Variants in POLR2F observed in about 807,000 individuals in gnomAD.
POLR2F encodes the protein RNA polymerase II, I and III subunit F.
A neutral mutation model predicts 22.7 loss-of-function variants in POLR2F; 12 were observed. The ratio of observed to expected loss-of-function variants is 0.53; its 90% CI spans 0.34 to 0.86. The LOEUF is 0.86. Among genes scored for constraint, POLR2F ranks in the 40% least tolerant of loss-of-function variants. POLR2F has a pLI of 0.02. For missense variants in POLR2F, 126 were observed against 171.5 expected, an observed-to-expected ratio of 0.73 and a Z score of 1.48; for synonymous variants, 57 against 66.0, an observed-to-expected ratio of 0.86 and a Z score of 0.66.
chr22:37,981,824 A>G (rs1157527357), upstream of POLR2F, among the ~76,000 whole-genome samples: 8 of 152,222 alleles, frequency 5.3e-5, no homozygotes, highest in Non-Finnish European at 1.2e-4. Flanking sequence ...GTCTGGGTCC[A>G]CACAGCGGGC....
intron 1 of POLR2F, among the ~76,000 whole-genome samples, chr22:38,023,482 T>C (rs1200794321): frequency 6.6e-6 from 1 of 152,060 alleles, no homozygotes; most frequent in African/African-American, 2.4e-5. Context: ...TAGCCTAAAA[T>C]TTCCCATATT....
At position 37,997,192 on chromosome 22, in the gene POLR2F, C is replaced by T. The variant is rs1216234103; in HGVS notation, c.120+10880C>T. 1.3e-5 allele frequency among the ~76,000 whole-genome samples: 2 copies of T among 152,102 alleles called. No homozygotes were observed. Among genetic ancestry groups the T allele is most frequent in the African/African-American group, 2.4e-5 (1 of 41,408 alleles). ...CCTGAGCTTCCCAGCCGGAGTCTCC[C>T]CTCCATCCCCTCCTCTGAAGGCCTC... On this transcript the variant is annotated intron_variant, in intron 1 of 2. Transcript: ENST00000333418. The surrounding 1 kb of genome is among the most constrained non-coding windows in gnomAD (Gnocchi z 4.4).
intron 1 of POLR2F, among the ~76,000 whole-genome samples, chr22:38,003,418 G>T (rs1225317055): frequency 1.3e-5 from 2 of 152,146 alleles, no homozygotes; most frequent in Non-Finnish European, 2.9e-5. Flanking sequence ...GTAAGGATGG[G>T]GTTTCACCAA....
At chr22:37,973,555 G>A, downstream of POLR2F, 1 of 1,612,480 alleles carries the variant, frequency 6.2e-7, no homozygotes, top group Non-Finnish European at 8.5e-7. Context: ...TGTGGGACTG[G>A]GGCCCTGAGG....
rs980555927 is a variant in POLR2F, at chr22:37,986,584, G to A, written c.120+272G>A. 1.7e-4 allele frequency: 129 copies of A among 739,262 alleles called. No individual in the cohort carries two copies. In the East Asian group the frequency reaches 3.3e-3, roughly 19 times the overall value. The allele number at this position is 739,262 out of a possible 1,614,324, so 45.8% of individuals were successfully genotyped here. A position where few individuals can be genotyped will look rare whatever the true frequency, so the allele number is the denominator to read the frequency against. On this transcript the variant is annotated intron_variant, in intron 1 of 2. Coordinates refer to the POLR2F transcript ENST00000333418. The surrounding 1 kb of genome is among the most constrained non-coding windows in gnomAD (Gnocchi z 4.7). ...GCACGCTCTGTCTGCAGGAAGCCAC[G>A]CTAGACAGAAGGGGCCACTCCCTCT...
chr22:37,995,086 G>C (rs754823781), intron 1 of POLR2F, among the ~76,000 whole-genome samples: 1 of 152,214 alleles, frequency 6.6e-6, no homozygotes, highest in African/African-American at 2.4e-5. Context: ...CAAGGTCCCA[G>C]CTCCTGCTGT....
At chr22:37,972,090 G>C (rs1279744814), downstream of POLR2F, 1 of 329,700 alleles carries the variant, frequency 3.0e-6, no homozygotes, top group Non-Finnish European at 5.8e-6. Context: ...AGAGGGGGAG[G>C]GGGGAGAGAG....
At chr22:37,994,143 C>T (rs1397941558) in intron 1 of POLR2F, among the ~76,000 whole-genome samples, 5 of 152,146 alleles carry the variant, frequency 3.3e-5, no homozygotes, top group Admixed American at 3.3e-4. Flanking sequence ...CCCGGGAAAA[C>T]CTCTTCCCTT....
intron 1 of POLR2F, among the ~76,000 whole-genome samples, chr22:37,998,942 G>A (rs931767572): frequency 6.6e-6 from 1 of 152,044 alleles, no homozygotes; most frequent in African/African-American, 2.4e-5. Context: ...GCCCTGGTAG[G>A]AGGACCCGCC....
chr22:37,967,945 C>A lies in POLR2F; in HGVS notation c.*230C>A. Reference sequence around the variant, plus strand: ...CCAGGGGCCCTTAGCCCCTTTGGATCCCCCACATCCTTCCCTCCATCTCCC... The same window carrying A: ...CCAGGGGCCCTTAGCCCCTTTGGATACCCCACATCCTTCCCTCCATCTCCC... On this transcript the variant is annotated 3_prime_UTR_variant, in exon 5 of 5. Coordinates refer to ENST00000442738, the MANE Select transcript of POLR2F (RefSeq NM_021974.5). The A allele has an allele frequency of 1.7e-6, 2 of 1,193,274 alleles. No individual in the cohort carries two copies. The highest frequency in any genetic ancestry group is 2.1e-6 in the Non-Finnish European group (2 of 960,398). 73.9% of individuals were successfully genotyped at this position (1,193,274 alleles called of 1,614,324 possible).
chr22:37,963,930 C>T (rs1035828338), intron 3 of POLR2F, among the ~76,000 whole-genome samples: 9 of 151,848 alleles, frequency 5.9e-5, no homozygotes, highest in Non-Finnish European at 1.0e-4. Context: ...GGTGAAACCC[C>T]GTCTCTACTA....
intron 1 of POLR2F, among the ~76,000 whole-genome samples, chr22:37,955,304 C>T (rs925660953): frequency 6.7e-6 from 1 of 150,078 alleles, no homozygotes; most frequent in Non-Finnish European, 1.5e-5. Flanking sequence ...TTTGGGAGGC[C>T]GAGGAGGGTG....
downstream of POLR2F, among the ~76,000 whole-genome samples, chr22:38,030,152 T>A (rs2085051094): frequency 6.6e-6 from 1 of 151,050 alleles, no homozygotes. Flanking sequence ...AGGGGAGGAG[T>A]CTGGACTTTT....
rs138500876 is a variant in POLR2F, at chr22:37,977,960, C to T, written c.293+10790C>T. 1.6e-4 allele frequency: 259 copies of T among 1,612,234 alleles called. 1 individual carries two copies. The African/African-American group carries it at 2.9e-3, about 18-fold the overall frequency. The stretch of plus-strand genomic sequence containing the variant: ...GCGCTCTTGTAGTGGGCCTGGATGG[C>T]GGCGGTCCCACCTTGCTCGGCCTCC... On this transcript the variant is annotated intron_variant, in intron 4 of 4. Coordinates refer to the POLR2F transcript ENST00000405557.
upstream of POLR2F, chr22:37,986,116 G>C: frequency 6.8e-7 from 1 of 1,479,038 alleles, no homozygotes; most frequent in Non-Finnish European, 9.0e-7. The surrounding 1 kb of genome is among the most constrained non-coding windows in gnomAD (Gnocchi z 4.7). Flanking sequence ...CGGCAATCAT[G>C]TGATTAACAC....
intron 1 of POLR2F, chr22:37,987,102 G>T (rs542529096): frequency 4.4e-6 from 2 of 456,670 alleles, no homozygotes; most frequent in South Asian, 3.1e-5. Context: ...GTTTGTCACC[G>T]TCCATGGCAA....
At chr22:37,958,088 T>A (rs1459691155) in intron 2 of POLR2F, among the ~76,000 whole-genome samples, 3 of 152,064 alleles carry the variant, frequency 2.0e-5, no homozygotes, top group Admixed American at 2.0e-4. Flanking sequence ...CATAGCGCAC[T>A]ACAGCCTTGA....
chr22:37,974,703 A>G lies in POLR2F; in HGVS notation c.293+7533A>G, dbSNP rs773829829. Among the ~76,000 whole-genome samples, 1 of 152,014 alleles carries G rather than the reference A, an allele frequency of 6.6e-6. No individual in the cohort carries two copies. Among genetic ancestry groups the G allele is most frequent in the Non-Finnish European group, 1.5e-5 (1 of 67,996 alleles). ...AGATTGATCTCTAGTTGTTTATGAAATTCTCAAATCTTAGGGATGGGTCCT... is the reference window on the plus strand; with the variant it reads ...AGATTGATCTCTAGTTGTTTATGAAGTTCTCAAATCTTAGGGATGGGTCCT... On this transcript the variant is annotated intron_variant, in intron 4 of 4. Transcript: ENST00000405557. This position sits in a 1 kb window ranked among gnomAD's most constrained non-coding sequence, Gnocchi z 5.4.
chr22:37,968,478 T>C lies in POLR2F; in HGVS notation c.*763T>C. On this transcript the variant is annotated 3_prime_UTR_variant, in exon 5 of 5. Transcript: ENST00000442738. ...TTGGGGCTGGTGATCCCCTGAGGCC[T>C]TGGGGACATGGTGCTGGGGTGGTGG... The C allele has an allele frequency of 2.0e-6, 2 of 985,994 alleles. No homozygotes were observed. The highest frequency in any genetic ancestry group is 5.2e-4 in the Middle Eastern group (1 of 1,914). 61.1% of individuals were successfully genotyped at this position (985,994 alleles called of 1,614,324 possible). A position where few individuals can be genotyped will look rare whatever the true frequency, so the allele number is the denominator to read the frequency against.
Sources: allele counts gnomAD v4.1 joint callset (sites outside exome capture counted in the v4.1 genomes callset), GRCh38; gene constraint gnomAD v4.1.1; non-coding constraint Gnocchi (gnomAD v3.1); transcripts MANE v1.5; gene names NCBI Gene and HGNC (gene_info 2026-07-23, HGNC 2026-07-21).